Variants in TERB2 observed in about 807,000 individuals in gnomAD.
TERB2 encodes telomere repeat binding bouquet formation protein 2.
TERB2 carries 26 observed loss-of-function variants against 29.8 expected under a neutral mutation model. The observed-to-expected ratio is 0.87, with a 90% confidence interval of 0.64 to 1.21. The LOEUF (loss-of-function observed/expected upper bound fraction) is 1.21, where lower values mean the gene tolerates loss of function less well. TERB2 is among the 50% of genes most tolerant of loss of function. The probability of loss-of-function intolerance (pLI) is 0.00; values close to 1 mark genes in which losing one functional copy is unlikely to be tolerated. For missense variants in TERB2, 240 were observed against 268.6 expected, an observed-to-expected ratio of 0.89 and a Z score of 0.74; for synonymous variants, 80 against 90.8, an observed-to-expected ratio of 0.88 and a Z score of 0.68.
At chr15:44,977,814 C>T (rs1892067201) in intron 6 of TERB2, among the ~76,000 whole-genome samples, 1 of 152,056 alleles carries the variant, frequency 6.6e-6, no homozygotes, top group Non-Finnish European at 1.5e-5. Context: ...TAGTAAAAGC[C>T]ACAAACACTT....
At chr15:44,968,939 A>T (rs976227727) in intron 5 of TERB2, among the ~76,000 whole-genome samples, 26 of 150,802 alleles carry the variant, frequency 1.7e-4, no homozygotes, top group Admixed American at 4.6e-4. Flanking sequence ...TGTGTGTGTG[A>T]GAGAGAGAGA....
intron 3 of TERB2, among the ~76,000 whole-genome samples, chr15:44,961,008 T>A (rs1408168970): frequency 6.6e-6 from 1 of 151,750 alleles, no homozygotes; most frequent in Admixed American, 6.6e-5. Context: ...ATCTAATGCA[T>A]TATATAGATA....
chr15:44,965,251 C>T (rs1891867630), intron 4 of TERB2, among the ~76,000 whole-genome samples: 1 of 146,888 alleles, frequency 6.8e-6, no homozygotes, highest in Non-Finnish European at 1.5e-5. Context: ...TGATAGGTAC[C>T]AGTATCTAAG....
At chr15:44,972,021 T>C (rs34414700) in intron 5 of TERB2, among the ~76,000 whole-genome samples, 23,673 of 139,216 alleles carry the variant, frequency 0.17, 2,461 homozygotes, top group East Asian at 0.3. Context: ...CAGAGTTTCG[T>C]TCTTGTTGCC....
intron 6 of TERB2, among the ~76,000 whole-genome samples, chr15:44,974,581 T>G (rs1291457964): frequency 6.6e-6 from 1 of 151,968 alleles, no homozygotes; most frequent in Non-Finnish European, 1.5e-5. Flanking sequence ...ATTGAGAGGG[T>G]AGAACCAAGG....
At chr15:44,977,098 A>AACACACACACACACACACACAC (rs373706136) in intron 6 of TERB2, among the ~76,000 whole-genome samples, 70 of 148,890 alleles carry the variant, frequency 4.7e-4, no homozygotes, top group Admixed American at 1.5e-3. Context: ...ACCCTGTCAA[A>AACACACACACACACACACACAC]ACACACACAC....
chr15:44,960,599 A>G lies in TERB2; in HGVS notation c.287-924A>G, dbSNP rs185616430. 2.4e-3 allele frequency among the ~76,000 whole-genome samples: 369 copies of G among 152,204 alleles called. 2 individuals carry two copies. The highest frequency in any genetic ancestry group is 8.1e-3 in the African/African-American group (337 of 41,522). On this transcript the variant is annotated intron_variant, in intron 3 of 6. Coordinates refer to ENST00000340827, the MANE Select transcript of TERB2 (RefSeq NM_152448.3). The stretch of plus-strand genomic sequence containing the variant: ...CTAATATATCTAAAATATTATTTCA[A>G]TATATAATCTATAAAAATTGAGATA...
intron 3 of TERB2, among the ~76,000 whole-genome samples, chr15:44,959,812 A>G (rs890836802): frequency 6.6e-6 from 1 of 152,218 alleles, no homozygotes. Context: ...ATACGTGTTC[A>G]TCTCCAGAAA....
At chr15:44,960,132 T>C (rs1485320399) in intron 3 of TERB2, among the ~76,000 whole-genome samples, 2 of 152,246 alleles carry the variant, frequency 1.3e-5, no homozygotes, top group Admixed American at 1.3e-4. Flanking sequence ...TATTTACTTA[T>C]ATGATTTTAA....
chr15:44,978,653 C>A lies in TERB2; in HGVS notation c.*25C>A, dbSNP rs747749233. 8 of 1,556,114 alleles carry A rather than the reference C, an allele frequency of 5.1e-6. No individual in the cohort carries two copies. In the South Asian group the frequency reaches 7.4e-5, roughly 14 times the overall value. On this transcript the variant is annotated 3_prime_UTR_variant, in exon 7 of 7. Transcript: ENST00000340827. ...GTAAATTAAATTGTAAATACCTTGGCATTTATTTTCTATAAAATATTATAC... is the reference window on the plus strand; with the variant it reads ...GTAAATTAAATTGTAAATACCTTGGAATTTATTTTCTATAAAATATTATAC...
At chr15:44,969,431 G>A (rs565181780) in intron 5 of TERB2, among the ~76,000 whole-genome samples, 1 of 151,598 alleles carries the variant, frequency 6.6e-6, no homozygotes, top group Admixed American at 6.6e-5. Context: ...TTTTTGTCAA[G>A]ATGGCATCTC....
intron 6 of TERB2, among the ~76,000 whole-genome samples, chr15:44,975,155 G>A (rs964340285): frequency 8.5e-5 from 13 of 152,110 alleles, no homozygotes; most frequent in Non-Finnish European, 1.5e-4. Context: ...AATTTTATTG[G>A]TAGAACTAAA....
intron 3 of TERB2, among the ~76,000 whole-genome samples, chr15:44,959,044 T>C (rs1043830101): frequency 1.4e-4 from 21 of 152,196 alleles, no homozygotes; most frequent in Non-Finnish European, 2.9e-4. Context: ...AATTTCAAAT[T>C]ATTTCTAAAA....
intron 5 of TERB2, among the ~76,000 whole-genome samples, chr15:44,973,178 G>A (rs1290093178): frequency 2.0e-5 from 3 of 152,070 alleles, no homozygotes; most frequent in African/African-American, 4.8e-5. Flanking sequence ...ACTGCGCCTC[G>A]CCTAGACATC....
chr15:44,973,747 A>C, intron 5 of TERB2, 120 bp from the exon 6 acceptor site: 1 of 715,408 alleles, frequency 1.4e-6, no homozygotes, highest in Non-Finnish European at 1.8e-6. Context: ...ATAGTATACT[A>C]TAGTAAAGGT....
At chr15:44,961,622 C>A in intron 4 of TERB2, 38 bp downstream of exon 4, 1 of 1,394,782 alleles carries the variant, frequency 7.2e-7, no homozygotes, top group Non-Finnish European at 9.9e-7. Context: ...GCATCTACAG[C>A]TTCAACATTT....
chr15:44,977,289 A>T (rs1892060635), intron 6 of TERB2, among the ~76,000 whole-genome samples: 1 of 152,168 alleles, frequency 6.6e-6, no homozygotes. Flanking sequence ...GTTTCTGTCC[A>T]TTTCATCCTA....
Position 44,973,855 on chromosome 15 carries a change from T to G in TERB2, c.435-12T>G. The G allele has an allele frequency of 6.4e-7, 1 of 1,567,528 alleles. No homozygotes were observed. Among genetic ancestry groups the G allele is most frequent in the East Asian group, 2.3e-5 (1 of 42,870 alleles). On this transcript the variant is annotated splice_polypyrimidine_tract_variant and intron_variant, in intron 5 of 6. Coordinates refer to ENST00000340827, the MANE Select transcript of TERB2 (RefSeq NM_152448.3). ...TATGTATGTGTGACTTTCTGTATGC[T>G]TTATTTTACAGCCCAGAAAAGCATT...
intron 3 of TERB2, among the ~76,000 whole-genome samples, chr15:44,958,949 C>T (rs752706873): frequency 2.0e-5 from 3 of 152,138 alleles, no homozygotes; most frequent in Non-Finnish European, 2.9e-5. Context: ...GAAACTGAGG[C>T]GGGCAGATCA....
Sources: gnomAD v4.1 joint callset for allele counts (sites outside exome capture counted in the v4.1 genomes callset) on GRCh38, gnomAD v4.1.1 for gene constraint, MANE v1.5 for transcripts, NCBI Gene and HGNC (gene_info 2026-07-23, HGNC 2026-07-21) for gene names.